The following PRKCE variants were observed in gnomAD, a reference collection of about 807,000 sequenced individuals.
PRKCE encodes the protein protein kinase C epsilon.
PRKCE carries 16 observed loss-of-function variants against 85.4 expected under a neutral mutation model. That is an observed-to-expected ratio of 0.19 (90% CI 0.13 to 0.28). PRKCE has a LOEUF of 0.28. PRKCE is among the 10% of genes least tolerant of loss of function. PRKCE has a pLI of 1.00. For synonymous variants in PRKCE, 388 were observed against 371.5 expected (o/e 1.04, Z -0.51); for missense variants, 573 against 975.2 (o/e 0.59, Z 5.49).
intron 14 of PRKCE, among the ~76,000 whole-genome samples, chr2:46,182,732 C>T (rs1680120000): frequency 6.6e-6 from 1 of 152,196 alleles, no homozygotes; most frequent in Non-Finnish European, 1.5e-5. Context: ...AAAACAGTCC[C>T]CCGCGCAGCT....
chr2:45,666,562 C>G (rs1329693182), intron 1 of PRKCE, among the ~76,000 whole-genome samples: 1 of 151,908 alleles, frequency 6.6e-6, no homozygotes, highest in Non-Finnish European at 1.5e-5. Flanking sequence ...TCTCCCATAT[C>G]CCCATCCCTG....
chr2:45,672,222 C>T (rs1050649814), intron 1 of PRKCE, among the ~76,000 whole-genome samples: 14 of 152,172 alleles, frequency 9.2e-5, no homozygotes, highest in African/African-American at 3.1e-4. Context: ...ATTCATCCAT[C>T]TCTACATCCA....
At chr2:46,038,788 G>A (rs956977419) in intron 10 of PRKCE, among the ~76,000 whole-genome samples, 3 of 150,800 alleles carry the variant, frequency 2.0e-5, no homozygotes, top group African/African-American at 4.9e-5. Context: ...ATGATAAAAC[G>A]GAGCTCTTCT....
chr2:46,012,190 A>G lies in PRKCE; in HGVS notation c.1437+1673A>G, dbSNP rs150049007. ...ATATTTTGTATTTTCCATGGTGCCTATCACAGGGCCTCACACTTGACAGGT... is the reference window on the plus strand; with the variant it reads ...ATATTTTGTATTTTCCATGGTGCCTGTCACAGGGCCTCACACTTGACAGGT... On this transcript the variant is annotated intron_variant, in intron 10 of 14. Transcript: ENST00000306156. 2.8e-3 allele frequency among the ~76,000 whole-genome samples: 429 copies of G among 152,328 alleles called. 3 individuals are homozygous for G. The highest frequency in any genetic ancestry group is 9.9e-3 in the African/African-American group (411 of 41,572).
rs541804645 is a variant in PRKCE, at chr2:46,151,369, C to T, written c.1920+140C>T. The stretch of plus-strand genomic sequence containing the variant: ...TCCAGCTTTCTCCCTCCCACCTCTG[C>T]TCATCACCACGGAATGGGAAGGATT... On this transcript the variant is annotated intron_variant, in intron 13 of 14. Coordinates refer to ENST00000306156, the MANE Select transcript of PRKCE (RefSeq NM_005400.3). 8.9e-6 allele frequency: 8 copies of T among 903,482 alleles called. No individual in the cohort carries two copies. The Admixed American group carries it at 2.0e-4, about 23-fold the overall frequency. The allele number at this position is 903,482 out of a possible 1,614,324, so 56.0% of individuals were successfully genotyped here. A position where few individuals can be genotyped will look rare whatever the true frequency, so the allele number is the denominator to read the frequency against.
chr2:45,984,412 A>G, intron 5 of PRKCE, 139 bp from the exon 6 acceptor site: 3 of 1,209,710 alleles, frequency 2.5e-6, no homozygotes, highest in Non-Finnish European at 3.5e-6. Context: ...ACCTCAGGGC[A>G]GCTTTTAGAG....
chr2:45,694,671 A>G (rs1043732084), intron 1 of PRKCE, among the ~76,000 whole-genome samples: 1 of 152,210 alleles, frequency 6.6e-6, no homozygotes, highest in Non-Finnish European at 1.5e-5. Flanking sequence ...GACATGAGTG[A>G]GACTTCGAAT....
Position 45,652,197 on chromosome 2 carries a change from C to A in PRKCE, c.97C>A (p.Pro33Thr). ...WSLRHAVGPR[P>T]QTFLLDPYIA... Reference sequence around the variant, plus strand: ...GCTGCGCCATGCGGTGGGACCCCGGCCGCAGACTTTCCTTCTCGACCCCTA... The same window carrying A: ...GCTGCGCCATGCGGTGGGACCCCGGACGCAGACTTTCCTTCTCGACCCCTA... The change falls in exon 1 of 15, where the codon CCG becomes ACG. Residue 33 changes from proline to threonine, a missense_variant. Physicochemically the swap from Pro to Thr is conservative, Grantham distance 38 (BLOSUM62 -1). Around this residue, in one of 11 missense-constraint regions of PRKCE, gnomAD observed 100 missense variants for 177.1 expected, o/e 0.56. Transcript: ENST00000306156. This position sits in a 1 kb window ranked among gnomAD's most constrained non-coding sequence, Gnocchi z 7.7. The A allele has an allele frequency of 1.9e-6, 3 of 1,613,564 alleles. No homozygotes were observed.
chr2:46,116,884 G>A (rs1028152016), intron 11 of PRKCE, among the ~76,000 whole-genome samples: 10 of 152,168 alleles, frequency 6.6e-5, no homozygotes, highest in African/African-American at 1.4e-4. Flanking sequence ...AAAAAAAACC[G>A]GAGAGCAGGC....
chr2:46,121,851 T>G (rs1338046601), intron 11 of PRKCE, among the ~76,000 whole-genome samples: 1 of 152,198 alleles, frequency 6.6e-6, no homozygotes, highest in Non-Finnish European at 1.5e-5. Context: ...AAGACAGCAC[T>G]GTTCTTTCTT....
At chr2:46,089,901 C>G (rs1193578349) in intron 11 of PRKCE, among the ~76,000 whole-genome samples, 1 of 152,200 alleles carries the variant, frequency 6.6e-6, no homozygotes, top group African/African-American at 2.4e-5. Context: ...TTCTCTGAGA[C>G]TTTGCCCCCA....
In PRKCE at chr2:45,855,125, T is replaced by TTCATCATCAAACAAATG. The variant is rs1451382987; in HGVS notation, c.412+12062_412+12063insTCATCATCAAACAAATG. Among the ~76,000 whole-genome samples, 680 of 152,338 alleles carry TTCATCATCAAACAAATG rather than the reference T, an allele frequency of 4.5e-3. 8 individuals carry two copies. Among genetic ancestry groups the TTCATCATCAAACAAATG allele is most frequent in the African/African-American group, 0.015 (639 of 41,568 alleles). The stretch of plus-strand genomic sequence containing the variant: ...CTTTTTTCTGGTTTTGATGAACCAG[T>TTCATCATCAAACAAATG]GTTTCCATTTGTTCTATTACAAGAC... On this transcript the variant is annotated intron_variant, in intron 2 of 14. Coordinates refer to ENST00000306156, the MANE Select transcript of PRKCE (RefSeq NM_005400.3).
intron 1 of PRKCE, among the ~76,000 whole-genome samples, chr2:45,781,915 C>T (rs1416955862): frequency 2.0e-5 from 3 of 152,192 alleles, no homozygotes; most frequent in Non-Finnish European, 2.9e-5. Flanking sequence ...CCTCTTCAGT[C>T]TACTCACTTG....
chr2:45,819,885 A>G (rs1423640880), intron 1 of PRKCE, among the ~76,000 whole-genome samples: 35 of 152,198 alleles, frequency 2.3e-4, no homozygotes, highest in Admixed American at 2.2e-3. Flanking sequence ...ATACAGGGAA[A>G]CAATCGCATC....
intron 11 of PRKCE, among the ~76,000 whole-genome samples, chr2:46,100,483 A>G (rs1343685210): frequency 6.6e-6 from 1 of 152,212 alleles, no homozygotes; most frequent in Non-Finnish European, 1.5e-5. Flanking sequence ...CTGCTGGCCG[A>G]GGAGCAGGGA....
intron 1 of PRKCE, among the ~76,000 whole-genome samples, chr2:45,812,146 T>C (rs1451067153): frequency 6.6e-6 from 1 of 152,264 alleles, no homozygotes; most frequent in African/African-American, 2.4e-5. Context: ...AAGATCTGCA[T>C]CTGTGAAACA....
intron 1 of PRKCE, among the ~76,000 whole-genome samples, chr2:45,821,027 C>G (rs547614808): frequency 6.6e-6 from 1 of 152,244 alleles, no homozygotes; most frequent in East Asian, 1.9e-4. Flanking sequence ...ATATTTGAGC[C>G]CCAAGGGTCA....
At position 45,756,513 on chromosome 2, in the gene PRKCE, C is replaced by T. The variant is rs114709549; in HGVS notation, c.349-86487C>T. ...GGCCTTAATTCAAGATAAATGAAAG[C>T]ATTTGTCCATTCAAAATCTGTCATG... On this transcript the variant is annotated intron_variant, in intron 1 of 14. Transcript: ENST00000306156. 6.4e-3 allele frequency among the ~76,000 whole-genome samples: 970 copies of T among 152,316 alleles called. 8 individuals carry two copies. Among genetic ancestry groups the T allele is most frequent in the African/African-American group, 0.022 (916 of 41,574 alleles).
intron 1 of PRKCE, among the ~76,000 whole-genome samples, chr2:45,800,162 G>A (rs1364535384): frequency 6.6e-6 from 1 of 152,240 alleles, no homozygotes; most frequent in Non-Finnish European, 1.5e-5. Flanking sequence ...CTGGATACTT[G>A]ATAGTGTGTT....
Sources: allele counts gnomAD v4.1 joint callset (sites outside exome capture counted in the v4.1 genomes callset), GRCh38; gene constraint gnomAD v4.1.1; regional missense constraint gnomAD v4.1.1; non-coding constraint Gnocchi (gnomAD v3.1); transcripts MANE v1.5; gene names NCBI Gene and HGNC (gene_info 2026-07-23, HGNC 2026-07-21).